Variants in KIRREL1 observed in about 807,000 individuals in gnomAD.
KIRREL1 encodes kin of IRRE-like protein 1.
Under a neutral mutation model 83.3 loss-of-function variants are expected in KIRREL1, and 25 were observed. The observed-to-expected ratio is 0.30, with a 90% CI of 0.22 to 0.42. The LOEUF (loss-of-function observed/expected upper bound fraction) is 0.42, where lower values mean the gene tolerates loss of function less well. KIRREL1 is among the 10% of genes least tolerant of loss of function. The pLI is 1.00. For missense variants in KIRREL1, 812 were observed against 1,032.3 expected, an observed-to-expected ratio of 0.79 and a Z score of 2.92; for synonymous variants, 388 against 410.4, an observed-to-expected ratio of 0.95 and a Z score of 0.66.
At chr1:158,088,209 C>T (rs953161069) in intron 7 of KIRREL1, 55 bp downstream of exon 7, 3 of 1,613,160 alleles carry the variant, frequency 1.9e-6, no homozygotes, top group Non-Finnish European at 2.5e-6. Context: ...CCCAAAGGGC[C>T]TTGGACAGAG....
At chr1:158,037,489 CAAA>C (rs759200504) in intron 1 of KIRREL1, among the ~76,000 whole-genome samples, 9 of 44,026 alleles carry the variant, frequency 2.0e-4, no homozygotes, top group Middle Eastern at 0.013. Flanking sequence ...AAGACTCTGG[CAAA>C]AAAAAAAAAA....
intron 1 of KIRREL1, among the ~76,000 whole-genome samples, chr1:158,052,291 G>T (rs72711938): frequency 6.6e-6 from 1 of 151,992 alleles, no homozygotes; most frequent in African/African-American, 2.4e-5. Context: ...GAACTGTCCC[G>T]CTCCCAGCCA....
At chr1:158,040,403 G>A (rs1660593618) in intron 1 of KIRREL1, among the ~76,000 whole-genome samples, 1 of 152,214 alleles carries the variant, frequency 6.6e-6, no homozygotes, top group South Asian at 2.1e-4. Context: ...ACAGACCAGG[G>A]TTGAAATTCT....
chr1:158,071,020 T>G (rs1410447797), intron 1 of KIRREL1, among the ~76,000 whole-genome samples: 2 of 152,090 alleles, frequency 1.3e-5, no homozygotes, highest in African/African-American at 4.8e-5. Flanking sequence ...GGAGATGGGG[T>G]GCTGCCAGGG....
chr1:158,058,107 G>A (rs1661114895), intron 1 of KIRREL1, among the ~76,000 whole-genome samples: 1 of 152,188 alleles, frequency 6.6e-6, no homozygotes, highest in South Asian at 2.1e-4. Flanking sequence ...TGTATCTTCA[G>A]CTGCGTCTGT....
rs1662391061 is a variant in KIRREL1 at position 158,097,755 on chromosome 1, A to C, written c.*2635A>C. The C allele has an allele frequency of 6.6e-6, 1 of 152,466 alleles. No individual in the cohort carries two copies. The highest frequency in any genetic ancestry group is 6.5e-5 in the Admixed American group (1 of 15,276). 9.4% of individuals were successfully genotyped at this position (152,466 alleles called of 1,614,324 possible). A position where few individuals can be genotyped will look rare whatever the true frequency, so the allele number is the denominator to read the frequency against. ...CTGTCGAATCCTGGAGTCCTGCAACATGGTGATGCCTCAGTAGTTGGTGAT... is the reference window on the plus strand; with the variant it reads ...CTGTCGAATCCTGGAGTCCTGCAACCTGGTGATGCCTCAGTAGTTGGTGAT... On this transcript the variant is annotated 3_prime_UTR_variant, in exon 15 of 15. Transcript: ENST00000359209.
intron 8 of KIRREL1, among the ~76,000 whole-genome samples, chr1:158,088,686 T>G (rs902942472): frequency 1.9e-4 from 28 of 151,252 alleles, no homozygotes; most frequent in Admixed American, 1.6e-3. Context: ...GGGTTTCACC[T>G]TGTTAGCCAG....
chr1:158,045,307 G>C (rs1660751073), intron 1 of KIRREL1, among the ~76,000 whole-genome samples: 1 of 152,192 alleles, frequency 6.6e-6, no homozygotes, highest in South Asian at 2.1e-4. Flanking sequence ...CACAGGTTAG[G>C]TAAGGGCACA....
In KIRREL1 at chr1:158,100,043, T is replaced by C. The variant is rs1371156602; in HGVS notation, c.*4923T>C. ...ACCCCAAAAATAAATGGATCCATGA[T>C]GATAATTAAGAGAAGAGAAAAAAAG... is the stretch of plus-strand genomic sequence containing the variant. On this transcript the variant is annotated 3_prime_UTR_variant, in exon 15 of 15. Transcript: ENST00000359209. 2 of 152,046 alleles carry C rather than the reference T, an allele frequency of 1.3e-5. No individual in the cohort carries two copies. The highest frequency in any genetic ancestry group is 4.8e-5 in the African/African-American group (2 of 41,382). The allele number at this position is 152,046 out of a possible 1,614,324, so 9.4% of individuals were successfully genotyped here.
chr1:158,006,082 G>A (rs1429611617), intron 1 of KIRREL1, among the ~76,000 whole-genome samples: 1 of 152,196 alleles, frequency 6.6e-6, no homozygotes, highest in African/African-American at 2.4e-5. Flanking sequence ...TACAGATGGG[G>A]CGAGATCAAT....
chr1:158,065,445 A>G (rs1044747970), intron 1 of KIRREL1, among the ~76,000 whole-genome samples: 1 of 152,210 alleles, frequency 6.6e-6, no homozygotes, highest in Non-Finnish European at 1.5e-5. Flanking sequence ...CTTTACTAAA[A>G]GAAGGGAATA....
intron 1 of KIRREL1, 139 bp from the exon 2 acceptor site, chr1:158,075,974 G>A (rs7365258): frequency 0.19 from 138,440 of 725,794 alleles, 13,659 homozygotes; most frequent in Middle Eastern, 0.28. Flanking sequence ...AAGGGGTTGA[G>A]GCTGAAGGGG....
At chr1:158,076,333 C>A in intron 2 of KIRREL1, 71 bp downstream of exon 2, 1 of 1,399,474 alleles carries the variant, frequency 7.1e-7, no homozygotes, top group Non-Finnish European at 1.0e-6. Flanking sequence ...AGCATAGATT[C>A]CTGGACTCAC....
intron 11 of KIRREL1, 41 bp from the exon 12 acceptor site, chr1:158,093,298 A>ACTCCAGCCTCACCC: frequency 6.5e-7 from 1 of 1,541,926 alleles, no homozygotes; most frequent in Non-Finnish European, 9.0e-7. Flanking sequence ...TCCCAGTATA[A>ACTCCAGCCTCACCC]CTCCAGCCTC....
intron 4 of KIRREL1, 43 bp from the exon 5 acceptor site, chr1:158,086,553 G>A (rs1662019969): frequency 5.8e-6 from 9 of 1,543,490 alleles, no homozygotes; most frequent in Non-Finnish European, 7.9e-6. Flanking sequence ...CAGAGGAGGG[G>A]GCTTTTAGCT....
rs1661395225 is a variant in KIRREL1 at position 158,067,822 on chromosome 1, GC to G, written c.53-8288del. Among the ~76,000 whole-genome samples the G allele has an allele frequency of 3.3e-5, 5 of 152,256 alleles. 1 individual carries two copies. In the South Asian group the frequency reaches 1.0e-3, roughly 32 times the overall value. ...CAGGCCCAGAACAGTAAGCCTTCTT[GC>G]CCTGTCACTGTAAGCACCAGCCAGC... On this transcript the variant is annotated intron_variant, in intron 1 of 14. Transcript: ENST00000359209.
intron 1 of KIRREL1, among the ~76,000 whole-genome samples, chr1:157,999,187 A>G (rs942450624): frequency 6.6e-6 from 1 of 152,118 alleles, no homozygotes; most frequent in Non-Finnish European, 1.5e-5. Flanking sequence ...GGACACATCT[A>G]TCTCCCTGCC....
At chr1:157,997,359 C>T (rs974040676) in intron 1 of KIRREL1, among the ~76,000 whole-genome samples, 31 of 152,164 alleles carry the variant, frequency 2.0e-4, no homozygotes, top group African/African-American at 6.0e-4. Context: ...TCTGGCACAG[C>T]GAGAAGTGCT....
chr1:158,002,472 G>T (rs934105487), intron 1 of KIRREL1, among the ~76,000 whole-genome samples: 1 of 152,208 alleles, frequency 6.6e-6, no homozygotes, highest in Non-Finnish European at 1.5e-5. Flanking sequence ...GTGAGCTCTG[G>T]TTTTTCAAAT....
Sources: gnomAD v4.1 joint callset for allele counts (sites outside exome capture counted in the v4.1 genomes callset) on GRCh38, gnomAD v4.1.1 for gene constraint, MANE v1.5 for transcripts, NCBI Gene and HGNC (gene_info 2026-07-23, HGNC 2026-07-21) for gene names.